BTRC: variants seen among roughly 807,000 people sequenced by gnomAD.
BTRC encodes the protein F-box/WD repeat-containing protein 1A.
BTRC carries 42 observed loss-of-function variants against 85.5 expected under a neutral mutation model. The ratio of observed to expected loss-of-function variants is 0.49; its 90% CI spans 0.38 to 0.64. The LOEUF is 0.64. Among genes scored for constraint, BTRC ranks in the 30% least tolerant of loss-of-function variants. BTRC has a pLI of 0.00. For missense variants in BTRC, 594 were observed against 743.5 expected (o/e 0.80, Z 2.34); for synonymous variants, 255 against 263.3 (o/e 0.97, Z 0.30).
chr10:101,419,501 G>A (rs1478737977), intron 1 of BTRC, among the ~76,000 whole-genome samples: 1 of 152,106 alleles, frequency 6.6e-6, no homozygotes, highest in Admixed American at 6.5e-5. Flanking sequence ...TTTCTTCAAG[G>A]GCTGTTGGAC....
intron 2 of BTRC, among the ~76,000 whole-genome samples, chr10:101,461,711 C>T (rs1450335934): frequency 6.6e-6 from 1 of 152,096 alleles, no homozygotes; most frequent in Non-Finnish European, 1.5e-5. Context: ...AAAGTGCAAG[C>T]TAGAGATCTA....
chr10:101,514,068 CT>C (rs2061991452), intron 4 of BTRC, among the ~76,000 whole-genome samples: 1 of 152,082 alleles, frequency 6.6e-6, no homozygotes. Flanking sequence ...ATCTGTGGAT[CT>C]TTTTTTGTGA....
intron 1 of BTRC, among the ~76,000 whole-genome samples, chr10:101,405,676 T>C (rs1029313497): frequency 7.9e-5 from 12 of 152,254 alleles, no homozygotes; most frequent in African/African-American, 2.2e-4. Flanking sequence ...ATAGTTGTTC[T>C]ATATGTTCTG....
chr10:101,426,429 A>G (rs924485574), intron 1 of BTRC, among the ~76,000 whole-genome samples: 7 of 152,144 alleles, frequency 4.6e-5, no homozygotes, highest in Admixed American at 6.5e-5. Context: ...AATTAATGCT[A>G]TTTTGGAAAT....
At position 101,536,527 on chromosome 10, in the gene BTRC, T is replaced by C. The variant is rs979603166; in HGVS notation, c.1467-16T>C. On this transcript the variant is annotated splice_polypyrimidine_tract_variant and intron_variant, in intron 11 of 14. Transcript: ENST00000370187. ...AGAATACGTGAAAATTCACCTGACT[T>C]AATTTTCTCTTCCAGATTATGGGAC... is the stretch of plus-strand genomic sequence containing the variant. The C allele has an allele frequency of 2.5e-6, 4 of 1,583,000 alleles. No individual in the cohort carries two copies. The African/African-American group carries it at 4.0e-5, about 16-fold the overall frequency.
At chr10:101,371,690 C>T (rs890246057) in intron 1 of BTRC, among the ~76,000 whole-genome samples, 1 of 152,158 alleles carries the variant, frequency 6.6e-6, no homozygotes, top group African/African-American at 2.4e-5. Context: ...TACGTTTTGA[C>T]CTTTGTGAAT....
intron 2 of BTRC, among the ~76,000 whole-genome samples, chr10:101,448,136 G>A (rs1009264326): frequency 1.1e-4 from 17 of 152,118 alleles, no homozygotes; most frequent in African/African-American, 3.6e-4. Context: ...TAGATTAGAG[G>A]TATACAGCCA....
Position 101,354,238 on chromosome 10 carries a change from CGGT to C in BTRC, c.48+13_48+15del, listed in dbSNP as rs777569313. 1 of 1,548,388 alleles carries C rather than the reference CGGT, an allele frequency of 6.5e-7. No homozygotes were observed. The highest frequency in any genetic ancestry group is 1.4e-5 in the African/African-American group (1 of 72,788). On this transcript the variant is annotated intron_variant, in intron 1 of 14. Transcript: ENST00000370187. Reference sequence around the variant, plus strand: ...GGCACTCAAGTTTATGGTGAGGAGACGGTGGAGGCCGGGGAACGGTGGAGGCGC... The same window carrying C: ...GGCACTCAAGTTTATGGTGAGGAGACGGAGGCCGGGGAACGGTGGAGGCGC...
chr10:101,433,381 G>A (rs1260251370), intron 2 of BTRC, among the ~76,000 whole-genome samples: 1 of 152,136 alleles, frequency 6.6e-6, no homozygotes, highest in Non-Finnish European at 1.5e-5. Flanking sequence ...ATATATAAAA[G>A]GGGGACCCAA....
At chr10:101,413,644 A>C (rs1016037649) in intron 1 of BTRC, among the ~76,000 whole-genome samples, 5 of 152,208 alleles carry the variant, frequency 3.3e-5, no homozygotes, top group African/African-American at 1.2e-4. Flanking sequence ...CAAAAGATGA[A>C]GATGTCCCAG....
intron 3 of BTRC, among the ~76,000 whole-genome samples, chr10:101,474,659 G>A (rs1256394672): frequency 2.0e-5 from 3 of 152,212 alleles, no homozygotes; most frequent in Non-Finnish European, 4.4e-5. Flanking sequence ...CACTATGGCA[G>A]TTTTGAACTC....
At chr10:101,514,014 C>A (rs2061990785) in intron 4 of BTRC, among the ~76,000 whole-genome samples, 1 of 152,184 alleles carries the variant, frequency 6.6e-6, no homozygotes, top group African/African-American at 2.4e-5. Flanking sequence ...TTGCATTTCC[C>A]TAATGACTAA....
chr10:101,477,841 G>T (rs1030155844), intron 3 of BTRC, among the ~76,000 whole-genome samples: 1 of 151,886 alleles, frequency 6.6e-6, no homozygotes, highest in South Asian at 2.1e-4. Context: ...GTAGAGACAG[G>T]GTTTCACCAT....
intron 1 of BTRC, among the ~76,000 whole-genome samples, chr10:101,409,501 A>G (rs1237347978): frequency 6.6e-6 from 1 of 152,184 alleles, no homozygotes; most frequent in Admixed American, 6.5e-5. Context: ...GGTGAGTTCA[A>G]CATTGTGTGA....
At chr10:101,515,515 ATT>A (rs35221060) in intron 4 of BTRC, among the ~76,000 whole-genome samples, 44,125 of 145,622 alleles carry the variant, frequency 0.3, 7,307 homozygotes, top group Middle Eastern at 0.45. Context: ...AATTTTATCC[ATT>A]TTTTTTTTTT....
At chr10:101,490,363 C>G (rs780598947) in intron 4 of BTRC, among the ~76,000 whole-genome samples, 7 of 152,140 alleles carry the variant, frequency 4.6e-5, no homozygotes, top group African/African-American at 1.7e-4. Flanking sequence ...TGTTCAGGCA[C>G]TATATAGTGC....
intron 1 of BTRC, among the ~76,000 whole-genome samples, chr10:101,372,226 A>G (rs1248764857): frequency 6.7e-6 from 1 of 150,330 alleles, no homozygotes; most frequent in African/African-American, 2.4e-5. Context: ...TGCATTGGCT[A>G]TCTTGGCCTT....
chr10:101,482,393 C>CTTTTTTTT (rs55978440), intron 4 of BTRC, among the ~76,000 whole-genome samples: 4 of 99,812 alleles, frequency 4.0e-5, no homozygotes, highest in Non-Finnish European at 4.2e-5. Flanking sequence ...TTGTTTGTTT[C>CTTTTTTTT]TTTTTTTTTT....
chr10:101,507,755 G>A (rs1946578498), intron 4 of BTRC, among the ~76,000 whole-genome samples: 1 of 152,200 alleles, frequency 6.6e-6, no homozygotes, highest in Non-Finnish European at 1.5e-5. Flanking sequence ...ACGATAACAA[G>A]TTTAGAGCTT....
Sources: gnomAD v4.1 joint callset for allele counts (sites outside exome capture counted in the v4.1 genomes callset) on GRCh38, gnomAD v4.1.1 for gene constraint, MANE v1.5 for transcripts, NCBI Gene and HGNC (gene_info 2026-07-23, HGNC 2026-07-21) for gene names.